The following MTHFS variants were observed in gnomAD, a reference collection of about 807,000 sequenced individuals.
The protein encoded by MTHFS is 5-formyltetrahydrofolate cyclo-ligase.
In MTHFS, 7 loss-of-function variants were observed where a neutral mutation model predicts 12.7. That is an observed-to-expected ratio of 0.55 (90% confidence interval 0.31 to 1.03). The LOEUF (loss-of-function observed/expected upper bound fraction) is 1.03, where lower values mean the gene tolerates loss of function less well. MTHFS is among the 50% of genes least tolerant of loss of function. The pLI is 0.05. For synonymous variants in MTHFS, 100 were observed against 97.1 expected, an observed-to-expected ratio of 1.03 and a Z score of -0.18; for missense variants, 252 against 258.1, an observed-to-expected ratio of 0.98 and a Z score of 0.16.
rs575035721 is a variant in MTHFS, at chr15:79,892,655, T to C, written c.118-3301A>G. ...ACTTGATTCTACAATGAATACCATCTACAGAACAAAAATACGGCTGGGCGT... is the reference window on the plus strand; with the variant it reads ...ACTTGATTCTACAATGAATACCATCCACAGAACAAAAATACGGCTGGGCGT... On this transcript the variant is annotated intron_variant, in intron 1 of 2. Transcript: ENST00000258874. Among the ~76,000 whole-genome samples the C allele has an allele frequency of 2.6e-5, 4 of 152,300 alleles. No individual in the cohort carries two copies. In the South Asian group the frequency reaches 8.3e-4, roughly 32 times the overall value.
rs182969618 is a variant in MTHFS at position 79,859,738 on chromosome 15, A to G, written c.380-14296T>C. Among the ~76,000 whole-genome samples the G allele has an allele frequency of 3.7e-3, 553 of 151,410 alleles. 3 individuals are homozygous for G. The highest frequency in any genetic ancestry group is 8.4e-3 in the Admixed American group (127 of 15,172). ...GAGATTGAGGCAGAAGAATTGCTTGAACCCAGGAGGCAGAGGTTGCAGTGA... is the reference window on the plus strand; with the variant it reads ...GAGATTGAGGCAGAAGAATTGCTTGGACCCAGGAGGCAGAGGTTGCAGTGA... On this transcript the variant is annotated intron_variant, in intron 2 of 2. Coordinates refer to ENST00000258874, the MANE Select transcript of MTHFS (RefSeq NM_006441.4).
chr15:79,859,011 T>G (rs1187485693), intron 2 of MTHFS, among the ~76,000 whole-genome samples: 1 of 152,130 alleles, frequency 6.6e-6, no homozygotes, highest in Non-Finnish European at 1.5e-5. Context: ...AACAATATAC[T>G]TAACAGGACC....
intron 2 of MTHFS, among the ~76,000 whole-genome samples, chr15:79,879,160 AGTGGAATTTTG>A: frequency 6.6e-6 from 1 of 151,906 alleles, no homozygotes; most frequent in Admixed American, 6.6e-5. Context: ...ATCATCCATT[AGTGGAATTTTG>A]AAATTCCACT....
At chr15:79,893,480 C>T (rs2034511388) in intron 1 of MTHFS, among the ~76,000 whole-genome samples, 1 of 151,474 alleles carries the variant, frequency 6.6e-6, no homozygotes, top group South Asian at 2.1e-4. Context: ...AGGCGGATCA[C>T]GAGGTCAGGA....
At chr15:79,850,719 G>A (rs1394176946) in intron 2 of MTHFS, among the ~76,000 whole-genome samples, 3 of 152,132 alleles carry the variant, frequency 2.0e-5, no homozygotes, top group Non-Finnish European at 1.5e-5. Context: ...GGGAATCACC[G>A]GGGCAAGGAT....
chr15:79,870,482 C>A (rs2034082865), intron 2 of MTHFS, among the ~76,000 whole-genome samples: 1 of 152,068 alleles, frequency 6.6e-6, no homozygotes, highest in African/African-American at 2.4e-5. Context: ...AAAACTGTGA[C>A]CCTAGAATTC....
rs760058044 is a variant in MTHFS, at chr15:79,845,346, C to T, written c.476G>A (p.Arg159His). 8.1e-6 allele frequency: 13 copies of T among 1,614,026 alleles called. No individual in the cohort carries two copies. Among genetic ancestry groups the T allele is most frequent in the African/African-American group, 5.3e-5 (4 of 74,908 alleles). ...CTTCACTTCCTGATGCTGCAAACAG[C>T]GCTTCAGATAGGCATCATAGTAGCC... ...GKGYYDAYLK[R>H]CLQHQEVKPY... The change falls in exon 3 of 3, where the codon CGC (arginine) becomes CAC (histidine). Residue 159 changes from arginine (R) to histidine (H), a missense_variant. By Grantham distance (29) the Arg-to-His change is conservative (BLOSUM62 0). Coordinates refer to ENST00000258874, the MANE Select transcript of MTHFS (RefSeq NM_006441.4).
chr15:79,889,141 T>C lies in MTHFS; in HGVS notation c.331A>G (p.Ile111Val). The part of the protein sequence containing the change: ...ISLLPKTSWN[I>V]PQPGEGDVRE... ...ACATCACCCTCACCAGGCTGAGGGATATTCCAGGATGTTTTGGGAAGTAAA... is the reference window on the plus strand; with the variant it reads ...ACATCACCCTCACCAGGCTGAGGGACATTCCAGGATGTTTTGGGAAGTAAA... The change falls in exon 2 of 3, where the codon ATC becomes GTC. Residue 111 changes from isoleucine (I) to valine (V), a missense_variant. Transcript: ENST00000258874. 2 of 1,614,206 alleles carry C rather than the reference T, an allele frequency of 1.2e-6. No homozygotes were observed. The highest frequency in any genetic ancestry group is 1.7e-6 in the Non-Finnish European group (2 of 1,180,036).
chr15:79,886,843 G>T (rs1346031742), intron 2 of MTHFS, among the ~76,000 whole-genome samples: 1 of 152,152 alleles, frequency 6.6e-6, no homozygotes, highest in African/African-American at 2.4e-5. Context: ...TAACTACTTG[G>T]CTAGTAATGA....
chr15:79,846,229 C>T (rs2733103), intron 2 of MTHFS, among the ~76,000 whole-genome samples: 23,370 of 152,102 alleles, frequency 0.15, 2,121 homozygotes, highest in East Asian at 0.39. Flanking sequence ...TGAAGAACCT[C>T]CATGAGGGAA....
At chr15:79,880,011 T>C (rs1479597830) in intron 2 of MTHFS, among the ~76,000 whole-genome samples, 1 of 152,238 alleles carries the variant, frequency 6.6e-6, no homozygotes, top group African/African-American at 2.4e-5. Flanking sequence ...TCTGTTCAAT[T>C]TCCATCTCAT....
Position 79,870,727 on chromosome 15 carries a change from ATACTC to A in MTHFS, c.379+18361_379+18365del, listed in dbSNP as rs1191000520. ...AGTTCAGTTTAAATGACTCTTCTCT[ATACTC>A]TATAATATAGTAAGAAAATAATCGA... is the stretch of plus-strand genomic sequence containing the variant. On this transcript the variant is annotated intron_variant, in intron 2 of 2. Coordinates refer to ENST00000258874, the MANE Select transcript of MTHFS (RefSeq NM_006441.4). Among the ~76,000 whole-genome samples, 5 of 152,384 alleles carry A rather than the reference ATACTC, an allele frequency of 3.3e-5. No homozygotes were observed. The Middle Eastern group carries it at 0.01, about 311-fold the overall frequency.
intron 1 of MTHFS, among the ~76,000 whole-genome samples, chr15:79,890,362 G>A (rs541756187): frequency 6.6e-6 from 1 of 151,770 alleles, no homozygotes; most frequent in African/African-American, 2.4e-5. Flanking sequence ...AGAGTAGCTG[G>A]GACCACAGGT....
chr15:79,869,998 T>TC (rs1282736119), intron 2 of MTHFS, among the ~76,000 whole-genome samples: 5 of 152,138 alleles, frequency 3.3e-5, no homozygotes, highest in African/African-American at 1.2e-4. Context: ...TGAAAATAGT[T>TC]CCCTGGAGTT....
intron 1 of MTHFS, among the ~76,000 whole-genome samples, chr15:79,894,458 TGTACAGA>T (rs2034530978): frequency 6.6e-6 from 1 of 152,220 alleles, no homozygotes; most frequent in Non-Finnish European, 1.5e-5. Flanking sequence ...TATATTTGTT[TGTACAGA>T]GTAAAATGTA....
rs139972402 is a variant in MTHFS at position 79,882,074 on chromosome 15, TTAC to T, written c.379+7016_379+7018del. ...ATTCCAAAATTACAATTGCTTTCATTTACTTTTAGTCATAACTTATTTCAAAAG... is the reference window on the plus strand; with the variant it reads ...ATTCCAAAATTACAATTGCTTTCATTTTTTAGTCATAACTTATTTCAAAAG... On this transcript the variant is annotated intron_variant, in intron 2 of 2. Coordinates refer to ENST00000258874, the MANE Select transcript of MTHFS (RefSeq NM_006441.4). Among the ~76,000 whole-genome samples, 1,151 of 152,370 alleles carry T rather than the reference TTAC, an allele frequency of 7.6e-3. 12 individuals carry two copies. The highest frequency in any genetic ancestry group is 0.026 in the African/African-American group (1,099 of 41,578).
chr15:79,874,280 A>G (rs1566993886), intron 2 of MTHFS, among the ~76,000 whole-genome samples: 1 of 152,088 alleles, frequency 6.6e-6, no homozygotes, highest in Non-Finnish European at 1.5e-5. Context: ...ATTCTCTGTA[A>G]GAACAGTGAG....
chr15:79,887,745 C>T (rs1242874803), intron 2 of MTHFS, among the ~76,000 whole-genome samples: 2 of 152,198 alleles, frequency 1.3e-5, no homozygotes, highest in African/African-American at 4.8e-5. Flanking sequence ...TGCTTGCAAT[C>T]TTTCCCCTTG....
At chr15:79,863,017 A>G (rs1014366502) in intron 2 of MTHFS, among the ~76,000 whole-genome samples, 5 of 152,180 alleles carry the variant, frequency 3.3e-5, no homozygotes, top group African/African-American at 1.2e-4. Context: ...AGCCACCTCA[A>G]ACGGGATTCA....
Sources: gnomAD v4.1 joint callset for allele counts (sites outside exome capture counted in the v4.1 genomes callset) on GRCh38, gnomAD v4.1.1 for gene constraint, MANE v1.5 for transcripts, NCBI Gene and HGNC (gene_info 2026-07-23, HGNC 2026-07-21) for gene names.